Variants in GBE1 observed in about 807,000 individuals in gnomAD.
GBE1 encodes the protein 1,4-alpha-glucan branching enzyme 1.
Under a neutral mutation model 88.8 loss-of-function variants are expected in GBE1, and 70 were observed. The ratio of observed to expected loss-of-function variants is 0.79; its 90% CI spans 0.65 to 0.96. The LOEUF (loss-of-function observed/expected upper bound fraction) is 0.96, where lower values mean the gene tolerates loss of function less well. Ranked by LOEUF, GBE1 falls within the 40% of genes least tolerant of loss-of-function variation. The pLI is 0.00. For missense variants in GBE1, 872 were observed against 871.0 expected (o/e 1.00, Z -0.01); for synonymous variants, 284 against 300.1 (o/e 0.95, Z 0.56).
intron 14 of GBE1, among the ~76,000 whole-genome samples, chr3:81,511,912 C>A (rs761395601): frequency 6.7e-6 from 1 of 150,202 alleles, no homozygotes; most frequent in Non-Finnish European, 1.5e-5. Flanking sequence ...TATCACAATA[C>A]GATTTACAAT....
At chr3:81,689,224 T>G (rs545893690) in intron 2 of GBE1, among the ~76,000 whole-genome samples, 7 of 152,336 alleles carry the variant, frequency 4.6e-5, no homozygotes, top group Admixed American at 1.3e-4. Flanking sequence ...AGGCATAAAC[T>G]CTCAGGTTAA....
chr3:81,597,897 A>T (rs190398280), intron 7 of GBE1, among the ~76,000 whole-genome samples: 22 of 152,066 alleles, frequency 1.4e-4, no homozygotes, highest in Non-Finnish European at 2.7e-4. Flanking sequence ...TTATTAAGGA[A>T]ATTTTGTCAC....
intron 7 of GBE1, among the ~76,000 whole-genome samples, chr3:81,597,706 G>A (rs1703979089): frequency 6.6e-6 from 1 of 151,472 alleles, no homozygotes; most frequent in Non-Finnish European, 1.5e-5. Flanking sequence ...ATGAAATGCA[G>A]TTGACTTTCT....
intron 12 of GBE1, among the ~76,000 whole-genome samples, chr3:81,570,282 G>C (rs1403176730): frequency 6.6e-6 from 1 of 152,118 alleles, no homozygotes; most frequent in East Asian, 1.9e-4. Flanking sequence ...AGAAATCTAT[G>C]GGATTAAGAA....
intron 7 of GBE1, among the ~76,000 whole-genome samples, chr3:81,624,120 G>T (rs573779624): frequency 1.5e-3 from 227 of 152,262 alleles, no homozygotes; most frequent in African/African-American, 5.3e-3. Context: ...TACAATCATG[G>T]CAGAAGGCAA....
intron 8 of GBE1, among the ~76,000 whole-genome samples, chr3:81,592,488 C>G (rs1703893411): frequency 6.6e-6 from 1 of 151,948 alleles, no homozygotes; most frequent in Non-Finnish European, 1.5e-5. Flanking sequence ...GTTTATAAAT[C>G]AAATACTGTG....
chr3:81,652,461 C>CT (rs1704864267), intron 3 of GBE1, among the ~76,000 whole-genome samples: 1 of 152,188 alleles, frequency 6.6e-6, no homozygotes, highest in Admixed American at 6.5e-5. Flanking sequence ...TTCTGCTACT[C>CT]TAACAGTCAT....
chr3:81,671,298 A>G (rs1334274431), intron 2 of GBE1, among the ~76,000 whole-genome samples: 1 of 152,180 alleles, frequency 6.6e-6, no homozygotes, highest in African/African-American at 2.4e-5. Flanking sequence ...GAGACATATT[A>G]TGAACAAACA....
chr3:81,650,837 G>C (rs949330808), intron 3 of GBE1, among the ~76,000 whole-genome samples: 10 of 151,378 alleles, frequency 6.6e-5, no homozygotes, highest in African/African-American at 2.0e-4. Flanking sequence ...GCTAATTTTG[G>C]GGGGGTCTGG....
intron 1 of GBE1, among the ~76,000 whole-genome samples, chr3:81,728,605 C>G (rs1706143418): frequency 6.6e-6 from 1 of 150,604 alleles, no homozygotes; most frequent in South Asian, 2.1e-4. Flanking sequence ...GATTATACAA[C>G]AAAAATATAT....
At chr3:81,632,180 G>A (rs1324961907) in intron 7 of GBE1, among the ~76,000 whole-genome samples, 1 of 152,154 alleles carries the variant, frequency 6.6e-6, no homozygotes, top group African/African-American at 2.4e-5. Flanking sequence ...TGGTGTACAT[G>A]TGCCACATTT....
intron 14 of GBE1, among the ~76,000 whole-genome samples, chr3:81,513,406 G>C (rs776067322): frequency 1.3e-5 from 2 of 151,330 alleles, no homozygotes; most frequent in Non-Finnish European, 3.0e-5. Flanking sequence ...GGTGAAATGG[G>C]AACTAGGACA....
At chr3:81,709,004 A>G (rs1705814828) in intron 1 of GBE1, among the ~76,000 whole-genome samples, 1 of 152,188 alleles carries the variant, frequency 6.6e-6, no homozygotes, top group Non-Finnish European at 1.5e-5. Flanking sequence ...AAAATTGCAA[A>G]GCTGATGATA....
Position 81,605,000 on chromosome 3 carries a change from T to A in GBE1, c.993-10977A>T, listed in dbSNP as rs190827116. Among the ~76,000 whole-genome samples the A allele has an allele frequency of 5.9e-5, 9 of 152,160 alleles. No individual in the cohort carries two copies. The East Asian group carries it at 1.4e-3, about 23-fold the overall frequency. On this transcript the variant is annotated intron_variant, in intron 7 of 15. Coordinates refer to ENST00000429644, the MANE Select transcript of GBE1 (RefSeq NM_000158.4). Reference sequence around the variant, plus strand: ...TGCAAACATATGCCTCAATTTTTTTTAAATCAAAAAAAAATATGGCCAGCC... The same window carrying A: ...TGCAAACATATGCCTCAATTTTTTTAAAATCAAAAAAAAATATGGCCAGCC...
chr3:81,654,755 T>C (rs1158328557), intron 3 of GBE1: 2 of 152,236 alleles, frequency 1.3e-5, no homozygotes, highest in Non-Finnish European at 2.9e-5. Flanking sequence ...TTCTAATTTA[T>C]AGAAAAATAC....
chr3:81,490,562 TA>T (rs1245815209), intron 15 of GBE1, 99 bp from the exon 16 acceptor site: 9 of 947,124 alleles, frequency 9.5e-6, no homozygotes, highest in Admixed American at 4.1e-5. Flanking sequence ...CACATCTGCC[TA>T]AAGTTACAGT....
intron 12 of GBE1, among the ~76,000 whole-genome samples, chr3:81,569,357 T>C (rs1703540435): frequency 6.6e-6 from 1 of 152,234 alleles, no homozygotes; most frequent in South Asian, 2.1e-4. Context: ...AAGATTTCTC[T>C]TATAGCAGTA....
At chr3:81,717,137 A>G (rs1705948699) in intron 1 of GBE1, among the ~76,000 whole-genome samples, 1 of 152,176 alleles carries the variant, frequency 6.6e-6, no homozygotes, top group South Asian at 2.1e-4. Context: ...CTGACCTTTC[A>G]GTTTATTTTC....
chr3:81,731,630 CA>C (rs2107204802), intron 1 of GBE1, among the ~76,000 whole-genome samples: 1 of 152,246 alleles, frequency 6.6e-6, no homozygotes, highest in South Asian at 2.1e-4. Flanking sequence ...GACTGGATCA[CA>C]GGGGCAGATT....
Sources: allele counts gnomAD v4.1 joint callset (sites outside exome capture counted in the v4.1 genomes callset), GRCh38; gene constraint gnomAD v4.1.1; transcripts MANE v1.5; gene names NCBI Gene and HGNC (gene_info 2026-07-23, HGNC 2026-07-21).